Variants in ATF6B observed in about 807,000 individuals in gnomAD.
ATF6B encodes the protein activating transcription factor 6 beta, also known as cyclic AMP-dependent transcription factor ATF-6 beta.
Under a neutral mutation model 83.5 loss-of-function variants are expected in ATF6B, and 50 were observed. That is an observed-to-expected ratio of 0.60 (90% CI 0.48 to 0.76). The LOEUF (loss-of-function observed/expected upper bound fraction) is 0.76, where lower values mean the gene tolerates loss of function less well. ATF6B is among the 30% of genes least tolerant of loss of function. The pLI is 0.00. For missense variants in ATF6B, 790 were observed against 893.8 expected (o/e 0.88, Z 1.48); for synonymous variants, 344 against 362.8 (o/e 0.95, Z 0.59).
intron 4 of ATF6B, among the ~76,000 whole-genome samples, chr6:32,126,868 G>A (rs1325489414): frequency 6.6e-6 from 1 of 151,834 alleles, no homozygotes; most frequent in East Asian, 1.9e-4. Context: ...TCAAAAAAAA[G>A]CAAAAAACAA....
chr6:32,116,687 G>T lies in ATF6B; in HGVS notation c.1797+17C>A. 6.2e-7 allele frequency: 1 copy of T among 1,611,934 alleles called. No homozygotes were observed. Among genetic ancestry groups the T allele is most frequent in the South Asian group, 1.1e-5 (1 of 91,030 alleles). Reference sequence around the variant, plus strand: ...GGAACCTGGGGTGACAGAGATGGAAGGGCAGGAGAAACTCACCCTTCGGAA... The same window carrying T: ...GGAACCTGGGGTGACAGAGATGGAATGGCAGGAGAAACTCACCCTTCGGAA... On this transcript the variant is annotated intron_variant, in intron 16 of 17. Coordinates refer to ENST00000375203, the MANE Select transcript of ATF6B (RefSeq NM_004381.5). The surrounding 1 kb of genome is among the most constrained non-coding windows in gnomAD (Gnocchi z 5.1).
intron 3 of ATF6B, 122 bp from the exon 4 acceptor site, chr6:32,127,316 G>A (rs1782023546): frequency 2.2e-6 from 3 of 1,348,858 alleles, no homozygotes; most frequent in Admixed American, 2.3e-5. Context: ...AAAAATAGGG[G>A]ATTGAAGGAG....
In ATF6B at chr6:32,126,050, T is replaced by C. The variant is rs939451636; in HGVS notation, c.478+67A>G. On this transcript the variant is annotated intron_variant, in intron 5 of 17. Coordinates refer to ENST00000375203, the MANE Select transcript of ATF6B (RefSeq NM_004381.5). ...TGCACTTCCCCTCCATCTACACACA[T>C]ACACACACACACATAACACATTCTC... 10 of 1,578,366 alleles carry C rather than the reference T, an allele frequency of 6.3e-6. No individual in the cohort carries two copies. Among genetic ancestry groups the C allele is most frequent in the African/African-American group, 5.4e-5 (4 of 74,182 alleles).
At chr6:32,126,891 C>CA (rs1468390151) in intron 4 of ATF6B, among the ~76,000 whole-genome samples, 1 of 151,886 alleles carries the variant, frequency 6.6e-6, no homozygotes, top group Non-Finnish European at 1.5e-5. Flanking sequence ...AACAAACAAA[C>CA]AAAAAAATCT....
Position 32,117,843 on chromosome 6 carries a change from C to A in ATF6B, c.1424+16G>T. On this transcript the variant is annotated intron_variant, in intron 12 of 17. Coordinates refer to ENST00000375203, the MANE Select transcript of ATF6B (RefSeq NM_004381.5). The surrounding 1 kb of genome is among the most constrained non-coding windows in gnomAD (Gnocchi z 5.0). ...ATACCCTCAAACGAGAGGGGGCCCTCTCTCTCTCTCCTCACCTGAAACTGG... is the reference window on the plus strand; with the variant it reads ...ATACCCTCAAACGAGAGGGGGCCCTATCTCTCTCTCCTCACCTGAAACTGG... 1 of 1,555,468 alleles carries A rather than the reference C, an allele frequency of 6.4e-7. No individual in the cohort carries two copies.
At position 32,121,062 on chromosome 6, in the gene ATF6B, G is replaced by A. The variant is rs1781745483; in HGVS notation, c.627C>T (p.Leu209=). 11 of 1,563,108 alleles carry A rather than the reference G, an allele frequency of 7.0e-6. No homozygotes were observed. The highest frequency in any genetic ancestry group is 6.0e-6 in the Non-Finnish European group (7 of 1,157,288). ...KTESLSPSGC[L]LWDVPAPSLG... The stretch of plus-strand genomic sequence containing the variant: ...GTGAGGGGGCTGGGACATCCCACAG[G>A]AGGCATCCTGAAGGGGACAGGGACT... The change falls in exon 7 of 18, where the codon CTC becomes CTT. Residue 209 remains leucine, a synonymous_variant. Transcript: ENST00000375203.
chr6:32,127,902 C>T, intron 1 of ATF6B, 152 bp from the exon 2 acceptor site: 1 of 1,009,708 alleles, frequency 9.9e-7, no homozygotes, highest in Non-Finnish European at 1.5e-6. Flanking sequence ...TTCAGCCCCT[C>T]CTTCCCCGAC....
At position 32,117,166 on chromosome 6, in the gene ATF6B, A is replaced by G. The variant is rs746374782; in HGVS notation, c.1615-59T>C. 10 of 1,586,318 alleles carry G rather than the reference A, an allele frequency of 6.3e-6. No homozygotes were observed. In the African/African-American group the frequency reaches 1.2e-4, roughly 19 times the overall value. On this transcript the variant is annotated intron_variant, in intron 14 of 17. Transcript: ENST00000375203. This position sits in a 1 kb window ranked among gnomAD's most constrained non-coding sequence, Gnocchi z 5.0. ...GTGAAGGGAAAAGGGAAAGAGACAA[A>G]CAGCCCCTGGAAGCTGATGCCACCT...
intron 5 of ATF6B, 124 bp from the exon 6 acceptor site, chr6:32,121,472 G>T (rs1331271582): frequency 3.8e-5 from 34 of 885,016 alleles, no homozygotes; most frequent in Non-Finnish European, 5.4e-5. Flanking sequence ...GGAGGCCAAG[G>T]CGGGCAGATC....
At chr6:32,124,115 G>A (rs1781872485) in intron 5 of ATF6B, among the ~76,000 whole-genome samples, 1 of 152,076 alleles carries the variant, frequency 6.6e-6, no homozygotes, top group Admixed American at 6.6e-5. Context: ...CAGGAGAATC[G>A]CTTGAACCCA....
At chr6:32,127,068 C>T (rs767563770) in intron 4 of ATF6B, 35 bp downstream of exon 4, 18 of 1,478,290 alleles carry the variant, frequency 1.2e-5, no homozygotes, top group African/African-American at 1.1e-4. Flanking sequence ...GCAGAGTCCC[C>T]GTCACAGAGA....
Position 32,125,747 on chromosome 6 carries a change from T to A in ATF6B, c.478+370A>T, listed in dbSNP as rs911630281. ...CTGCACTTCAGCCCGAGCGACAGTG[T>A]GAGACTCTGTCTCAACAACAACAAA... On this transcript the variant is annotated intron_variant, in intron 5 of 17. Transcript: ENST00000375203. The surrounding 1 kb of genome is among the most constrained non-coding windows in gnomAD (Gnocchi z 4.1). 6.6e-6 allele frequency among the ~76,000 whole-genome samples: 1 copy of A among 152,178 alleles called. No homozygotes were observed. Among genetic ancestry groups the A allele is most frequent in the African/African-American group, 2.4e-5 (1 of 41,442 alleles).
Position 32,121,137 on chromosome 6 carries a change from T to C in ATF6B, c.565-13A>G. On this transcript the variant is annotated splice_polypyrimidine_tract_variant and intron_variant, in intron 6 of 17. Transcript: ENST00000375203. Reference sequence around the variant, plus strand: ...CTCCTATAAAAGCCTATGTGGGGCATTCCAGAGATACATTAGTCAGGAAGA... The same window carrying C: ...CTCCTATAAAAGCCTATGTGGGGCACTCCAGAGATACATTAGTCAGGAAGA... 6.3e-7 allele frequency: 1 copy of C among 1,598,768 alleles called. No individual in the cohort carries two copies. Among genetic ancestry groups the C allele is most frequent in the South Asian group, 1.1e-5 (1 of 88,910 alleles).
rs1032059328 is a variant in ATF6B, at chr6:32,116,244, G to A, written c.1882+236C>T. ...TAAGTGAGAGTCTAGCAGGTTCCCGGCCCCCCGCCTCTGCCCAGTCATCTA... is the reference window on the plus strand; with the variant it reads ...TAAGTGAGAGTCTAGCAGGTTCCCGACCCCCCGCCTCTGCCCAGTCATCTA... On this transcript the variant is annotated intron_variant, in intron 17 of 17. Transcript: ENST00000375203. This position sits in a 1 kb window ranked among gnomAD's most constrained non-coding sequence, Gnocchi z 5.1. Among the ~76,000 whole-genome samples, 88 of 152,182 alleles carry A rather than the reference G, an allele frequency of 5.8e-4. 1 individual carries two copies. The highest frequency in any genetic ancestry group is 2.7e-3 in the Admixed American group (42 of 15,284).
rs1167099702 is a variant in ATF6B, at chr6:32,119,959, T to C, written c.833-2A>G. 7 of 1,613,740 alleles carry C rather than the reference T, an allele frequency of 4.3e-6. No homozygotes were observed. Among genetic ancestry groups the C allele is most frequent in the Non-Finnish European group, 5.9e-6 (7 of 1,179,792 alleles). On this transcript the variant is annotated splice_acceptor_variant, in intron 8 of 17. Transcript: ENST00000375203. LOFTEE classifies it high-confidence loss of function. This position sits in a 1 kb window ranked among gnomAD's most constrained non-coding sequence, Gnocchi z 4.9. Reference sequence around the variant, plus strand: ...CCTGGATGAGGACAACTGGGGACACTGGGGCAAGTGAGCAGAGGTCAGAGG... The same window carrying C: ...CCTGGATGAGGACAACTGGGGACACCGGGGCAAGTGAGCAGAGGTCAGAGG...
intron 5 of ATF6B, among the ~76,000 whole-genome samples, chr6:32,121,900 G>C (rs1403233914): frequency 6.6e-6 from 1 of 151,978 alleles, no homozygotes; most frequent in East Asian, 1.9e-4. Context: ...TCTCATCCCT[G>C]CTCCATGTTC....
chr6:32,127,989 C>T, intron 1 of ATF6B, 128 bp downstream of exon 1: 2 of 1,155,036 alleles, frequency 1.7e-6, no homozygotes, highest in African/African-American at 3.0e-5. Context: ...CACAACGAGC[C>T]CCCTGCTCCG....
At chr6:32,121,392 A>G (rs766340135) in intron 5 of ATF6B, 44 bp from the exon 6 acceptor site, 3 of 1,568,658 alleles carry the variant, frequency 1.9e-6, no homozygotes, top group Non-Finnish European at 2.6e-6. Flanking sequence ...TCATGTAAAC[A>G]CTGAAGGGTT....
In ATF6B at chr6:32,118,101, A is replaced by G; in HGVS notation, c.1245-63T>C. On this transcript the variant is annotated intron_variant, in intron 11 of 17. Coordinates refer to ENST00000375203, the MANE Select transcript of ATF6B (RefSeq NM_004381.5). The surrounding 1 kb of genome is among the most constrained non-coding windows in gnomAD (Gnocchi z 5.2). ...CAGCTGTATCAAGTATCTAGGTAAG[A>G]ATAAAGACTCTGCAGATGGACTGCT... 6.3e-7 allele frequency: 1 copy of G among 1,597,228 alleles called. No homozygotes were observed. The highest frequency in any genetic ancestry group is 1.1e-5 in the South Asian group (1 of 90,288).
Sources: gnomAD v4.1 joint callset for allele counts (sites outside exome capture counted in the v4.1 genomes callset) on GRCh38, gnomAD v4.1.1 for gene constraint, Gnocchi (gnomAD v3.1) non-coding constraint, MANE v1.5 for transcripts, NCBI Gene and HGNC (gene_info 2026-07-23, HGNC 2026-07-21) for gene names.